Variants in MYH9 observed in about 807,000 individuals in gnomAD.
MYH9 encodes the protein myosin-9.
MYH9 carries 29 observed loss-of-function variants against 241.9 expected under a neutral mutation model. That is an observed-to-expected ratio of 0.12 (90% CI 0.09 to 0.16). MYH9 has a LOEUF of 0.16. Among genes scored for constraint, MYH9 ranks in the 10% least tolerant of loss-of-function variants. The pLI, the probability that MYH9 is intolerant of heterozygous loss-of-function variation, is 1.00. For synonymous variants in MYH9, 1,047 were observed against 1,062.6 expected, an observed-to-expected ratio of 0.99 and a Z score of 0.29; for missense variants, 1,803 against 2,595.5, an observed-to-expected ratio of 0.69 and a Z score of 6.63.
Position 36,330,995 on chromosome 22 carries a change from T to C in MYH9, c.491-3507A>G, listed in dbSNP as rs1001733565. On this transcript the variant is annotated intron_variant, in intron 3 of 40. Transcript: ENST00000216181. The surrounding 1 kb of genome is among the most constrained non-coding windows in gnomAD (Gnocchi z 4.5). ...ACTTTTCAAAAAGCAGCGGCAGTCC[T>C]TCCTCAGATAAAATCTTCCCAAATT... 1.3e-5 allele frequency among the ~76,000 whole-genome samples: 2 copies of C among 152,148 alleles called. No homozygotes were observed. The highest frequency in any genetic ancestry group is 4.8e-5 in the African/African-American group (2 of 41,430).
In MYH9 at chr22:36,295,717, T is replaced by G. The variant is rs758742337; in HGVS notation, c.3273A>C (p.Arg1091Ser). 1.2e-6 allele frequency: 2 copies of G among 1,612,340 alleles called. No homozygotes were observed. Among genetic ancestry groups the G allele is most frequent in the Non-Finnish European group, 1.7e-6 (2 of 1,179,422 alleles). The change falls in exon 26 of 41, where the codon AGA (arginine) becomes AGC (serine). Residue 1091 changes from arginine to serine, a missense_variant and splice_region_variant. Coordinates refer to ENST00000216181, the MANE Select transcript of MYH9 (RefSeq NM_002473.6). This position sits in a 1 kb window ranked among gnomAD's most constrained non-coding sequence, Gnocchi z 4.1. Reference protein sequence around the residue: ...KEEELQAALARVEEEAAQKNM... With the variant: ...KEEELQAALASVEEEAAQKNM... ...TCTTCTGGGCAGCTTCCTCTTCCAC[T>G]CTGCCAAAGCGACCAGCAACATCAG... is the stretch of plus-strand genomic sequence containing the variant.
chr22:36,365,988 A>C (rs879913766), intron 1 of MYH9, among the ~76,000 whole-genome samples: 1 of 152,112 alleles, frequency 6.6e-6, no homozygotes, highest in Non-Finnish European at 1.5e-5. Flanking sequence ...CAGGAGTTCA[A>C]GACAGCCTGG....
chr22:36,357,675 A>G (rs957162534), intron 1 of MYH9, among the ~76,000 whole-genome samples: 2 of 152,140 alleles, frequency 1.3e-5, no homozygotes, highest in African/African-American at 4.8e-5. Context: ...ATCCTCCCCC[A>G]TCTCTGAAGT....
chr22:36,355,857 A>T (rs996174417), intron 1 of MYH9, among the ~76,000 whole-genome samples: 1 of 152,164 alleles, frequency 6.6e-6, no homozygotes, highest in Admixed American at 6.6e-5. Context: ...CCCTTTATTA[A>T]TTAAGCAGAC....
chr22:36,326,518 C>T (rs753307706), intron 5 of MYH9, 50 bp downstream of exon 5: 13 of 1,515,584 alleles, frequency 8.6e-6, no homozygotes, highest in Middle Eastern at 1.7e-4. Context: ...CCTCCATCAT[C>T]CCACCAAGGC....
Position 36,320,366 on chromosome 22 carries a change from G to GT in MYH9, c.869-4dup. 2 of 1,613,248 alleles carry GT rather than the reference G, an allele frequency of 1.2e-6. No homozygotes were observed. The highest frequency in any genetic ancestry group is 1.7e-6 in the Non-Finnish European group (2 of 1,180,026). On this transcript the variant is annotated splice_polypyrimidine_tract_variant and splice_region_variant and intron_variant, in intron 8 of 40. Coordinates refer to ENST00000216181, the MANE Select transcript of MYH9 (RefSeq NM_002473.6). This position sits in a 1 kb window ranked among gnomAD's most constrained non-coding sequence, Gnocchi z 4.8. ...GTACGGCTCCAACAGGAGATCGGCT[G>GT]TAAGGGGTGGAGGGCAAGGGCGCCT...
chr22:36,290,226 G>T (rs1235889330), intron 31 of MYH9, among the ~76,000 whole-genome samples: 1 of 151,548 alleles, frequency 6.6e-6, no homozygotes, highest in Non-Finnish European at 1.5e-5. Flanking sequence ...GCTGGGTGTG[G>T]TGGTGGTGCA....
rs370014891 is a variant in MYH9, at chr22:36,368,004, A to AAC, written c.-19-18751_-19-18750dup. ...GTGCAAACAGACATGCACATATACA[A>AAC]ACACACACACACACATGCCTGCATA... On this transcript the variant is annotated intron_variant, in intron 1 of 40. Transcript: ENST00000216181. Among the ~76,000 whole-genome samples the AAC allele has an allele frequency of 2.0e-4, 31 of 151,512 alleles. No homozygotes were observed. The East Asian group carries it at 2.1e-3, about 10-fold the overall frequency.
chr22:36,365,378 C>A (rs556821662), intron 1 of MYH9, among the ~76,000 whole-genome samples: 1 of 152,340 alleles, frequency 6.6e-6, no homozygotes, highest in Non-Finnish European at 1.5e-5. Context: ...GGCCTGGAGG[C>A]AGGAACCACC....
intron 38 of MYH9, 90 bp from the exon 39 acceptor site, chr22:36,284,601 G>A (rs2016548008): frequency 1.6e-6 from 2 of 1,254,782 alleles, no homozygotes; most frequent in African/African-American, 1.5e-5. Context: ...ATTCCCCGGG[G>A]CTCACTGGCA....
At position 36,341,447 on chromosome 22, in the gene MYH9, T is replaced by C; in HGVS notation, c.413A>G (p.Tyr138Cys). 1 of 1,614,254 alleles carries C rather than the reference T, an allele frequency of 6.2e-7. No individual in the cohort carries two copies. The highest frequency in any genetic ancestry group is 8.5e-7 in the Non-Finnish European group (1 of 1,180,042). The change falls in exon 3 of 41, where the codon TAC becomes TGC. Residue 138 changes from tyrosine to cysteine, a missense_variant. Transcript: ENST00000216181. ...PIYSEEIVEM[Y>C]KGKKRHEMPP... ...CATCTCGTGCCTCTTCTTGCCCTTG[T>C]ACATTTCCACAATCTCTTCAGAGTA...
At chr22:36,372,418 G>T (rs1177129945) in intron 1 of MYH9, among the ~76,000 whole-genome samples, 1 of 151,396 alleles carries the variant, frequency 6.6e-6, no homozygotes, top group Non-Finnish European at 1.5e-5. Flanking sequence ...GAGCCCAGGA[G>T]GTTGAGGCTG....
At chr22:36,291,060 G>A (rs2016690217) in intron 31 of MYH9, among the ~76,000 whole-genome samples, 1 of 148,082 alleles carries the variant, frequency 6.8e-6, no homozygotes, top group Admixed American at 6.7e-5. Flanking sequence ...GGAGGTGGGG[G>A]GGTCAGCCCC....
intron 31 of MYH9, 42 bp from the exon 32 acceptor site, chr22:36,289,339 C>T (rs2146332376): frequency 6.4e-7 from 1 of 1,561,960 alleles, no homozygotes; most frequent in African/African-American, 1.4e-5. Flanking sequence ...AGCTACGGCC[C>T]CCAGCAGGGC....
At chr22:36,353,263 G>A (rs1035553001) in intron 1 of MYH9, among the ~76,000 whole-genome samples, 16 of 152,136 alleles carry the variant, frequency 1.1e-4, no homozygotes, top group African/African-American at 3.9e-4. Flanking sequence ...TTCAATAAGG[G>A]GCACGACAGC....
chr22:36,326,394 G>A (rs2017335767), intron 5 of MYH9, among the ~76,000 whole-genome samples, 174 bp downstream of exon 5: 1 of 152,214 alleles, frequency 6.6e-6, no homozygotes, highest in Non-Finnish European at 1.5e-5. Context: ...TGCTACCGCT[G>A]GACCACTCCC....
At chr22:36,284,555 G>A (rs1385650540) in intron 38 of MYH9, 44 bp from the exon 39 acceptor site, 3 of 1,588,792 alleles carry the variant, frequency 1.9e-6, no homozygotes, top group Non-Finnish European at 1.7e-6. Context: ...CCCTCCTTCA[G>A]AGGGTCCGGC....
intron 11 of MYH9, among the ~76,000 whole-genome samples, chr22:36,317,082 G>A (rs576179565): frequency 2.0e-5 from 3 of 151,220 alleles, no homozygotes; most frequent in South Asian, 4.2e-4. Context: ...AGCAGTCTAC[G>A]GCCATACCAC....
At chr22:36,352,178 T>G (rs907172897) in intron 1 of MYH9, among the ~76,000 whole-genome samples, 3 of 152,010 alleles carry the variant, frequency 2.0e-5, no homozygotes, top group African/African-American at 7.3e-5. Context: ...GCCCTAACTG[T>G]CCCCACGAGC....
Sources: gnomAD v4.1 joint callset for allele counts (sites outside exome capture counted in the v4.1 genomes callset) on GRCh38, gnomAD v4.1.1 for gene constraint, Gnocchi (gnomAD v3.1) non-coding constraint, MANE v1.5 for transcripts, NCBI Gene and HGNC (gene_info 2026-07-23, HGNC 2026-07-21) for gene names.